ITGA2B: variants seen among roughly 807,000 people sequenced by gnomAD.
The protein encoded by ITGA2B is integrin alpha-IIb.
In ITGA2B, 91 loss-of-function variants were observed where a neutral mutation model predicts 142.0. The observed-to-expected ratio is 0.64, with a 90% CI of 0.54 to 0.76. The LOEUF (loss-of-function observed/expected upper bound fraction) is 0.76, where lower values mean the gene tolerates loss of function less well. Ranked by LOEUF, ITGA2B falls within the 30% of genes least tolerant of loss-of-function variation. The pLI, the probability that ITGA2B is intolerant of heterozygous loss-of-function variation, is 0.00. For missense variants in ITGA2B, 1,231 were observed against 1,350.8 expected (o/e 0.91, Z 1.39); for synonymous variants, 536 against 567.2 (o/e 0.94, Z 0.78).
At chr17:44,375,354 G>A in intron 26 of ITGA2B, 1 of 632,734 alleles carries the variant, frequency 1.6e-6, no homozygotes, top group Non-Finnish European at 2.8e-6. Flanking sequence ...TGATAACCTT[G>A]CTTTGGCATT....
chr17:44,385,312 C>T lies in ITGA2B; in HGVS notation c.598G>A (p.Ala200Thr). ...TGAGTGACCACGGAGCTGAAGCCCG[C>T]TTCACAGTAACGCTTGTCCCAGCCT... ...DFSWDKRYCE[A>T]GFSSVVTQAG... Residue 200 changes from alanine (A) to threonine (T), a missense_variant, in exon 5 of 30, where the codon GCG (alanine) becomes ACG (threonine). By Grantham distance (58) the Ala-to-Thr change is moderately conservative. Around this residue, in one of 3 missense-constraint regions of ITGA2B, gnomAD observed 318 missense variants for 312.2 expected, o/e 1.02. Transcript: ENST00000262407. 6.2e-7 allele frequency: 1 copy of T among 1,612,452 alleles called. No homozygotes were observed. The highest frequency in any genetic ancestry group is 1.1e-5 in the South Asian group (1 of 91,026).
chr17:44,383,994 C>CT (rs1239335194), intron 10 of ITGA2B, 48 bp from the exon 11 acceptor site: 2 of 1,613,992 alleles, frequency 1.2e-6, no homozygotes, highest in East Asian at 2.2e-5. Context: ...CAAGCATCCT[C>CT]TTTAAGAAAT....
chr17:44,380,324 C>T, intron 15 of ITGA2B, 23 bp from the exon 16 acceptor site: 3 of 1,614,224 alleles, frequency 1.9e-6, no homozygotes, highest in Non-Finnish European at 2.5e-6. Flanking sequence ...AAGTGGGGCT[C>T]AGGGGTTGGA....
Position 44,384,334 on chromosome 17 carries a change from T to C in ITGA2B, c.868A>G (p.Thr290Ala). The change falls in exon 9 of 30, where the codon ACT becomes GCT. Residue 290 changes from threonine to alanine, a missense_variant. By Grantham distance (58) the Thr-to-Ala change is moderately conservative (BLOSUM62 0). Transcript: ENST00000262407. The part of the protein sequence containing the change: ...NTTEYVVGAP[T>A]WSWTLGAVEI... ...ACCGCTCCCAGGGTCCAGCTCCAAG[T>C]GGGGGCACCGACGACATATTCTGGC... 1 of 1,612,944 alleles carries C rather than the reference T, an allele frequency of 6.2e-7. No individual in the cohort carries two copies. Among genetic ancestry groups the C allele is most frequent in the Non-Finnish European group, 8.5e-7 (1 of 1,179,760 alleles).
In ITGA2B at chr17:44,380,227, C is replaced by T. The variant is rs1361762806; in HGVS notation, c.1600+19G>A. On this transcript the variant is annotated intron_variant, in intron 16 of 29. Transcript: ENST00000262407. The stretch of plus-strand genomic sequence containing the variant: ...GGAGTCCAAGCCCACCTCCCTCCTG[C>T]CCCCTTCATGCCACTCACATAGCTT... 2 of 1,614,108 alleles carry T rather than the reference C, an allele frequency of 1.2e-6. No individual in the cohort carries two copies. Among genetic ancestry groups the T allele is most frequent in the Non-Finnish European group, 1.7e-6 (2 of 1,180,000 alleles).
At chr17:44,372,697 C>T (rs943146959) in intron 29 of ITGA2B, among the ~76,000 whole-genome samples, 21 of 152,028 alleles carry the variant, frequency 1.4e-4, no homozygotes, top group Admixed American at 6.5e-5. Context: ...GGCTCGATCT[C>T]GGCTCAGTGC....
At chr17:44,378,804 C>T in intron 18 of ITGA2B, 94 bp from the exon 19 acceptor site, 1 of 1,116,232 alleles carries the variant, frequency 9.0e-7, no homozygotes, top group Admixed American at 2.0e-5. Flanking sequence ...TTGGGGTTCA[C>T]ATAGGGGCTT....
intron 29 of ITGA2B, 121 bp downstream of exon 29, chr17:44,374,233 T>TA (rs1255467609): frequency 1.2e-6 from 1 of 847,496 alleles, no homozygotes; most frequent in Non-Finnish European, 2.0e-6. Context: ...AGTGGAGACA[T>TA]AGACCCCTGG....
intron 29 of ITGA2B, 95 bp downstream of exon 29, chr17:44,374,259 C>T (rs1011049945): frequency 1.8e-6 from 2 of 1,081,374 alleles, no homozygotes; most frequent in Non-Finnish European, 2.9e-6. Flanking sequence ...GGATTACCCA[C>T]TTGGGTGGGC....
intron 22 of ITGA2B, 74 bp from the exon 23 acceptor site, chr17:44,376,462 T>A (rs1310591522): frequency 6.7e-6 from 9 of 1,338,558 alleles, no homozygotes; most frequent in Middle Eastern, 3.6e-4. Flanking sequence ...GAGGCCAGAA[T>A]TTTAGAGAGT....
chr17:44,381,204 C>T, intron 12 of ITGA2B, 143 bp from the exon 13 acceptor site: 4 of 718,762 alleles, frequency 5.6e-6, no homozygotes, highest in Non-Finnish European at 9.0e-6. Context: ...ACTGCCCTAC[C>T]CTCCAGGAGT....
At chr17:44,383,765 A>G in intron 11 of ITGA2B, 61 bp from the exon 12 acceptor site, 1 of 1,550,454 alleles carries the variant, frequency 6.4e-7, no homozygotes, top group Non-Finnish European at 8.7e-7. Context: ...GCTAGGGCCA[A>G]ATCTCCTCGA....
rs2048585196 is a variant in ITGA2B, at chr17:44,380,435, G to A, written c.1495C>T (p.Pro499Ser). The stretch of plus-strand genomic sequence containing the variant: ...GGTAGGACACAGCTCTTCACAGCAG[G>A]ATTCAGTGAATCTTGCACCAGTAGC... ...VQLLVQDSLN[P>S]AVKSCVLPQT... The change falls in exon 15 of 30, where the codon CCT becomes TCT. Residue 499 changes from proline (P) to serine (S), a missense_variant. By Grantham distance (74) the Pro-to-Ser change is moderately conservative. This residue lies in a region of ITGA2B where 908 missense variants were observed against 1,021.1 expected (regional missense o/e 0.89). Coordinates refer to ENST00000262407, the MANE Select transcript of ITGA2B (RefSeq NM_000419.5). The A allele has an allele frequency of 1.9e-6, 3 of 1,614,174 alleles. No individual in the cohort carries two copies. Among genetic ancestry groups the A allele is most frequent in the East Asian group, 4.5e-5 (2 of 44,888 alleles).
rs368697593 is a variant in ITGA2B, at chr17:44,384,954, A to G, written c.793T>C (p.Tyr265His). The part of the protein sequence containing the change: ...DSSNPEYFDG[Y>H]WGYSVAVGEF... ...TCTGGAATGGCGGTGTTACCCCAGT[A>G]GCCGTCGAAGTACTCTGGGTTGCTG... is the stretch of plus-strand genomic sequence containing the variant. Residue 265 changes from tyrosine (Y) to histidine (H), a missense_variant, in exon 7 of 30, where the codon TAC (tyrosine) becomes CAC (histidine). Tyr to His is a moderately conservative substitution (Grantham distance 83). Coordinates refer to ENST00000262407, the MANE Select transcript of ITGA2B (RefSeq NM_000419.5). The G allele has an allele frequency of 5.6e-6, 9 of 1,613,962 alleles. No homozygotes were observed. The African/African-American group carries it at 1.1e-4, about 19-fold the overall frequency.
chr17:44,385,744 G>A (rs1261243459), intron 3 of ITGA2B, 28 bp from the exon 4 acceptor site: 2 of 1,613,264 alleles, frequency 1.2e-6, no homozygotes, highest in Admixed American at 3.3e-5. Context: ...GAGTGGGGAC[G>A]GGCGCGAGAC....
chr17:44,389,274 C>T lies in ITGA2B; in HGVS notation c.188+12G>A, dbSNP rs776155752. The T allele has an allele frequency of 6.2e-7, 1 of 1,614,112 alleles. No homozygotes were observed. Among genetic ancestry groups the T allele is most frequent in the Admixed American group, 1.7e-5 (1 of 60,032 alleles). On this transcript the variant is annotated intron_variant, in intron 1 of 29. Transcript: ENST00000262407. ...GCTCTCTCCCAATACCCCAACTTCC[C>T]TTACGGCTCACCTCCCATGGCTGTC... is the stretch of plus-strand genomic sequence containing the variant.
rs1481715957 is a variant in ITGA2B, at chr17:44,379,694, C to G, written c.1873G>C (p.Glu625Gln). 3 of 1,613,974 alleles carry G rather than the reference C, an allele frequency of 1.9e-6. No individual in the cohort carries two copies. The highest frequency in any genetic ancestry group is 2.5e-6 in the Non-Finnish European group (3 of 1,180,034). Residue 625 changes from glutamate (E) to glutamine (Q), a missense_variant, in exon 18 of 30, where the codon GAG (glutamate) becomes CAG (glutamine). Transcript: ENST00000262407. ...VVLHGDTHVQ[E>Q]QTRIVLDCGE... ...CTGTCCCTGCCTGTCCCTACCTGCT[C>G]CTGCACATGGGTGTCTCCATGCAGC...
In ITGA2B at chr17:44,379,677, G is replaced by T. The variant is rs867169446; in HGVS notation, c.1878+12C>A. The T allele has an allele frequency of 2.5e-6, 4 of 1,613,812 alleles. No individual in the cohort carries two copies. Among genetic ancestry groups the T allele is most frequent in the Admixed American group, 3.3e-5 (2 of 60,016 alleles). ...TCCTGCACCTCCCTGGCCTGTCCCTGCCTGTCCCTACCTGCTCCTGCACAT... is the reference window on the plus strand; with the variant it reads ...TCCTGCACCTCCCTGGCCTGTCCCTTCCTGTCCCTACCTGCTCCTGCACAT... On this transcript the variant is annotated intron_variant, in intron 18 of 29. Transcript: ENST00000262407.
In ITGA2B at chr17:44,385,736, G is replaced by T; in HGVS notation, c.409-20C>A. The T allele has an allele frequency of 6.2e-7, 1 of 1,613,530 alleles. No individual in the cohort carries two copies. The highest frequency in any genetic ancestry group is 1.3e-5 in the African/African-American group (1 of 75,050). ...GCAGGCCTGGAGAAAGGCCACAGGAGTGGGGACGGGCGCGAGACTTGGGCT... is the reference window on the plus strand; with the variant it reads ...GCAGGCCTGGAGAAAGGCCACAGGATTGGGGACGGGCGCGAGACTTGGGCT... On this transcript the variant is annotated intron_variant, in intron 3 of 29. Transcript: ENST00000262407.
Sources: allele counts gnomAD v4.1 joint callset (sites outside exome capture counted in the v4.1 genomes callset), GRCh38; gene constraint gnomAD v4.1.1; regional missense constraint gnomAD v4.1.1; transcripts MANE v1.5; gene names NCBI Gene and HGNC (gene_info 2026-07-23, HGNC 2026-07-21).